PEX14: variants seen among roughly 807,000 people sequenced by gnomAD.
PEX14 encodes the protein peroxisomal biogenesis factor 14.
In PEX14, 15 loss-of-function variants were observed where a neutral mutation model predicts 49.5. The observed-to-expected ratio is 0.30, with a 90% CI of 0.20 to 0.47. PEX14 has a LOEUF of 0.47. Ranked by LOEUF, PEX14 falls within the 20% of genes least tolerant of loss-of-function variation. The pLI is 1.00. For missense variants in PEX14, 398 were observed against 494.8 expected, an observed-to-expected ratio of 0.80 and a Z score of 1.86; for synonymous variants, 210 against 212.7, an observed-to-expected ratio of 0.99 and a Z score of 0.11.
intron 3 of PEX14, among the ~76,000 whole-genome samples, chr1:10,559,273 G>T (rs1014298418): frequency 6.6e-6 from 1 of 152,116 alleles, no homozygotes; most frequent in Non-Finnish European, 1.5e-5. Flanking sequence ...GAATATAAGA[G>T]ACATAGCCAT....
intron 1 of PEX14, among the ~76,000 whole-genome samples, chr1:10,482,190 A>G (rs1274934216): frequency 6.6e-6 from 1 of 151,794 alleles, no homozygotes; most frequent in Admixed American, 6.6e-5. Context: ...GTGCAGTGGC[A>G]TGATCTTGGC....
chr1:10,493,334 A>G (rs1641503495), intron 1 of PEX14, among the ~76,000 whole-genome samples: 1 of 152,192 alleles, frequency 6.6e-6, no homozygotes, highest in South Asian at 2.1e-4. Flanking sequence ...CACTGATGAG[A>G]AAGCTGACGC....
Position 10,597,928 on chromosome 1 carries a change from C to A in PEX14, c.170-1310C>A, listed in dbSNP as rs1312232969. Among the ~76,000 whole-genome samples, 1 of 152,298 alleles carries A rather than the reference C, an allele frequency of 6.6e-6. No individual in the cohort carries two copies. Among genetic ancestry groups the A allele is most frequent in the African/African-American group, 2.4e-5 (1 of 41,550 alleles). On this transcript the variant is annotated intron_variant, in intron 3 of 8. Coordinates refer to ENST00000356607, the MANE Select transcript of PEX14 (RefSeq NM_004565.3). This position sits in a 1 kb window ranked among gnomAD's most constrained non-coding sequence, Gnocchi z 5.7. The stretch of plus-strand genomic sequence containing the variant: ...ACTCATATGCCAGTATGGTGCAGGG[C>A]GGAGCTGTGCTTTAAAGCATTAATG...
At chr1:10,545,819 G>A (rs1639154334) in intron 3 of PEX14, among the ~76,000 whole-genome samples, 2 of 152,112 alleles carry the variant, frequency 1.3e-5, no homozygotes, top group Admixed American at 1.3e-4. Flanking sequence ...TGAGACAGAA[G>A]GATTGCTTTA....
intron 3 of PEX14, among the ~76,000 whole-genome samples, chr1:10,548,020 G>A (rs552344143): frequency 6.6e-6 from 1 of 152,092 alleles, no homozygotes; most frequent in African/African-American, 2.4e-5. Flanking sequence ...GTTCGTGACC[G>A]GTCTGGTCAA....
chr1:10,558,949 G>A (rs1330196932), intron 3 of PEX14, among the ~76,000 whole-genome samples: 1 of 151,986 alleles, frequency 6.6e-6, no homozygotes, highest in Non-Finnish European at 1.5e-5. Flanking sequence ...TCTTGCTTTA[G>A]GATATTTATT....
intron 2 of PEX14, among the ~76,000 whole-genome samples, chr1:10,503,312 A>G (rs1376840469): frequency 7.0e-6 from 1 of 142,448 alleles, no homozygotes; most frequent in Non-Finnish European, 1.5e-5. Context: ...AAAAAGAAAG[A>G]AAGAAAAGAA....
rs748027790 is a variant in PEX14 at position 10,536,214 on chromosome 1, T to G, written c.86T>G (p.Ile29Ser). 6.3e-7 allele frequency: 1 copy of G among 1,597,770 alleles called. No individual in the cohort carries two copies. The highest frequency in any genetic ancestry group is 1.7e-5 in the Admixed American group (1 of 60,016). Residue 29 changes from isoleucine (I) to serine (S), a missense_variant and splice_region_variant, in exon 3 of 9, where the codon ATT becomes AGT. This residue lies in a region of PEX14 where 56 missense variants were observed against 40.8 expected (regional missense o/e 1.37). Transcript: ENST00000356607. The stretch of plus-strand genomic sequence containing the variant: ...CCTCTATTTTCTCTCTCTCACCAGA[T>G]TGCCACGGCAGTGAAGTTTCTACAG... ...SENVLPREPL[I>S]ATAVKFLQNS... is the part of the protein sequence containing the mutation.
chr1:10,614,201 T>G (rs1182468915), intron 4 of PEX14, among the ~76,000 whole-genome samples: 1 of 152,234 alleles, frequency 6.6e-6, no homozygotes, highest in Admixed American at 6.5e-5. Flanking sequence ...GTCATCTCTA[T>G]CCGAGTTTTT....
intron 2 of PEX14, among the ~76,000 whole-genome samples, chr1:10,518,750 C>T (rs1642015477): frequency 6.6e-6 from 1 of 152,188 alleles, no homozygotes; most frequent in South Asian, 2.1e-4. Context: ...CATGGTGCTT[C>T]CTGCGTTCCC....
chr1:10,520,851 A>T (rs1638264881), intron 2 of PEX14, among the ~76,000 whole-genome samples: 1 of 152,196 alleles, frequency 6.6e-6, no homozygotes, highest in Non-Finnish European at 1.5e-5. Context: ...AAATGAATTG[A>T]TCCACACAGT....
At chr1:10,563,994 G>T (rs1639731346) in intron 3 of PEX14, among the ~76,000 whole-genome samples, 1 of 147,044 alleles carries the variant, frequency 6.8e-6, no homozygotes, top group African/African-American at 2.4e-5. Context: ...TTTGAAGAAG[G>T]TGAAACATGT....
intron 3 of PEX14, among the ~76,000 whole-genome samples, chr1:10,543,652 G>A (rs1316435222): frequency 6.6e-6 from 1 of 152,080 alleles, no homozygotes; most frequent in Non-Finnish European, 1.5e-5. Flanking sequence ...TATTGCCTAG[G>A]CTGGAATGTA....
At chr1:10,520,879 A>G (rs545836575) in intron 2 of PEX14, among the ~76,000 whole-genome samples, 7 of 152,206 alleles carry the variant, frequency 4.6e-5, no homozygotes, top group Admixed American at 4.6e-4. Flanking sequence ...TAGACGCACT[A>G]TGGACTTGCT....
chr1:10,625,005 CG>C (rs1641704563), intron 7 of PEX14, among the ~76,000 whole-genome samples: 2 of 152,162 alleles, frequency 1.3e-5, no homozygotes, highest in Non-Finnish European at 2.9e-5. Flanking sequence ...GAAATCTTGG[CG>C]TGGCAGCTTC....
chr1:10,528,924 T>C (rs753804190), intron 2 of PEX14, among the ~76,000 whole-genome samples: 9 of 152,200 alleles, frequency 5.9e-5, no homozygotes, highest in Non-Finnish European at 8.8e-5. Context: ...ATAATGGCAT[T>C]TTCCTCCTCT....
At chr1:10,532,169 C>A (rs988859041) in intron 2 of PEX14, among the ~76,000 whole-genome samples, 1 of 152,052 alleles carries the variant, frequency 6.6e-6, no homozygotes, top group Non-Finnish European at 1.5e-5. Context: ...AACCTGAAGT[C>A]CCCCCCGCTT....
At chr1:10,604,046 A>G (rs1387364823) in intron 4 of PEX14, among the ~76,000 whole-genome samples, 3 of 152,216 alleles carry the variant, frequency 2.0e-5, no homozygotes, top group Non-Finnish European at 2.9e-5. Context: ...AAGCATTGTT[A>G]TTGAATGCCT....
At chr1:10,574,420 C>T (rs1480851005) in intron 3 of PEX14, among the ~76,000 whole-genome samples, 1 of 152,168 alleles carries the variant, frequency 6.6e-6, no homozygotes, top group African/African-American at 2.4e-5. Flanking sequence ...GTGGTTGTTA[C>T]ACAAGTATAT....
Sources: gnomAD v4.1 joint callset for allele counts (sites outside exome capture counted in the v4.1 genomes callset) on GRCh38, gnomAD v4.1.1 for gene constraint, gnomAD v4.1.1 regional missense constraint, Gnocchi (gnomAD v3.1) non-coding constraint, MANE v1.5 for transcripts, NCBI Gene and HGNC (gene_info 2026-07-23, HGNC 2026-07-21) for gene names.